PTPRD: variants seen among roughly 807,000 people sequenced by gnomAD.
PTPRD encodes the protein protein tyrosine phosphatase receptor type D, also known as receptor-type tyrosine-protein phosphatase delta.
Under a neutral mutation model 214.5 loss-of-function variants are expected in PTPRD, and 34 were observed. That is an observed-to-expected ratio of 0.16 (90% CI 0.12 to 0.21). The LOEUF (loss-of-function observed/expected upper bound fraction) is 0.21, where lower values mean the gene tolerates loss of function less well. Ranked by LOEUF, PTPRD falls within the 10% of genes least tolerant of loss-of-function variation. The pLI, the probability that PTPRD is intolerant of heterozygous loss-of-function variation, is 1.00. For missense variants in PTPRD, 2,545 were observed against 2,398.7 expected (o/e 1.06, Z -1.27); for synonymous variants, 1,128 against 845.7 (o/e 1.33, Z -5.79).
chr9:9,819,919 A>G (rs1030652467), intron 5 of PTPRD, among the ~76,000 whole-genome samples: 5 of 152,068 alleles, frequency 3.3e-5, no homozygotes, highest in Admixed American at 2.0e-4. Flanking sequence ...GATTGATTCC[A>G]TATCTTTGCT....
chr9:9,622,298 A>T (rs2095270900), intron 7 of PTPRD, among the ~76,000 whole-genome samples: 1 of 152,216 alleles, frequency 6.6e-6, no homozygotes, highest in Non-Finnish European at 1.5e-5. Context: ...TCTCACAGGA[A>T]GACACATATA....
At chr9:9,079,896 T>C (rs2154419670) in intron 10 of PTPRD, among the ~76,000 whole-genome samples, 1 of 152,188 alleles carries the variant, frequency 6.6e-6, no homozygotes, top group East Asian at 1.9e-4. Flanking sequence ...GGTGATGATG[T>C]GTTGCTGGAA....
At chr9:10,218,661 C>G (rs1056961343) in intron 3 of PTPRD, among the ~76,000 whole-genome samples, 1 of 151,578 alleles carries the variant, frequency 6.6e-6, no homozygotes, top group Non-Finnish European at 1.5e-5. Flanking sequence ...AATCCATTTA[C>G]AAAATAATTG....
chr9:10,125,625 TG>T (rs2098812905), intron 3 of PTPRD, among the ~76,000 whole-genome samples: 1 of 86,302 alleles, frequency 1.2e-5, no homozygotes, highest in Non-Finnish European at 2.4e-5. Flanking sequence ...CGGCTAATTG[TG>T]TGTGTGTGTG....
At chr9:9,463,477 G>A (rs973347303) in intron 8 of PTPRD, among the ~76,000 whole-genome samples, 11 of 152,076 alleles carry the variant, frequency 7.2e-5, no homozygotes, top group African/African-American at 2.7e-4. Context: ...TGAGCAAGCT[G>A]GAGGTGGAGG....
intron 9 of PTPRD, among the ~76,000 whole-genome samples, chr9:9,344,222 C>A (rs1289402064): frequency 6.6e-6 from 1 of 152,042 alleles, no homozygotes; most frequent in Admixed American, 6.6e-5. Flanking sequence ...CAAACTAACA[C>A]AAGAACAGAA....
intron 3 of PTPRD, among the ~76,000 whole-genome samples, chr9:10,212,723 C>T (rs571182531): frequency 6.6e-6 from 1 of 152,234 alleles, no homozygotes; most frequent in South Asian, 2.1e-4. Context: ...AAAAATTTTA[C>T]AATCTTGTTA....
intron 10 of PTPRD, among the ~76,000 whole-genome samples, chr9:9,029,425 T>A (rs2099597563): frequency 6.6e-6 from 1 of 151,882 alleles, no homozygotes; most frequent in Admixed American, 6.6e-5. Context: ...TGACAAGGGC[T>A]AGATAAAGCA....
At chr9:9,068,035 A>G (rs941459909) in intron 10 of PTPRD, among the ~76,000 whole-genome samples, 1 of 152,166 alleles carries the variant, frequency 6.6e-6, no homozygotes, top group African/African-American at 2.4e-5. Flanking sequence ...TCTGTTCTCC[A>G]CATCTATAAT....
intron 14 of PTPRD, among the ~76,000 whole-genome samples, chr9:8,605,876 C>T (rs1005072901): frequency 2.6e-5 from 4 of 152,116 alleles, no homozygotes; most frequent in Non-Finnish European, 5.9e-5. Flanking sequence ...CTCTCTGATA[C>T]GATTTGTAGC....
chr9:10,183,217 G>T (rs895260740), intron 3 of PTPRD, among the ~76,000 whole-genome samples: 2 of 152,074 alleles, frequency 1.3e-5, no homozygotes, highest in Admixed American at 6.6e-5. Flanking sequence ...TCCATGAATG[G>T]AGAGGAGATA....
chr9:8,889,563 C>T (rs1248303950), intron 11 of PTPRD, among the ~76,000 whole-genome samples: 1 of 152,142 alleles, frequency 6.6e-6, no homozygotes, highest in East Asian at 1.9e-4. Flanking sequence ...GAACTCATCA[C>T]CTGAGCAGTG....
At chr9:8,819,526 T>A (rs1196718673) in intron 11 of PTPRD, among the ~76,000 whole-genome samples, 1 of 151,756 alleles carries the variant, frequency 6.6e-6, no homozygotes, top group Non-Finnish European at 1.5e-5. Context: ...CCAGGCGAGG[T>A]GGCACATGCC....
At chr9:9,261,905 T>G (rs973437580) in intron 9 of PTPRD, among the ~76,000 whole-genome samples, 1 of 151,680 alleles carries the variant, frequency 6.6e-6, no homozygotes, top group Non-Finnish European at 1.5e-5. Context: ...ATTTCTATTA[T>G]TTTCCCAGGA....
chr9:10,512,119 T>A (rs1482187813), intron 2 of PTPRD, among the ~76,000 whole-genome samples: 2 of 148,804 alleles, frequency 1.3e-5, no homozygotes, highest in African/African-American at 5.0e-5. Context: ...ATTCAAGAGG[T>A]TGCCAGATCA....
intron 33 of PTPRD, 77 bp from the exon 34 acceptor site, chr9:8,449,914 G>A (rs2095869835): frequency 1.5e-5 from 21 of 1,382,906 alleles, no homozygotes; most frequent in Non-Finnish European, 2.1e-5. Flanking sequence ...AATTGCACCT[G>A]CACTCCCCCC....
chr9:9,556,572 C>A (rs763638201), intron 8 of PTPRD, among the ~76,000 whole-genome samples: 3 of 152,146 alleles, frequency 2.0e-5, no homozygotes, highest in Admixed American at 6.5e-5. Flanking sequence ...TTGCCTGGTG[C>A]CTTCCCACAT....
intron 14 of PTPRD, among the ~76,000 whole-genome samples, chr9:8,582,418 A>C (rs1209233068): frequency 1.3e-5 from 2 of 152,222 alleles, no homozygotes; most frequent in African/African-American, 4.8e-5. Flanking sequence ...ACTACACTAA[A>C]ATTAGGCTTT....
At chr9:9,499,321 A>G (rs1589957360) in intron 8 of PTPRD, among the ~76,000 whole-genome samples, 2 of 152,228 alleles carry the variant, frequency 1.3e-5, no homozygotes, top group East Asian at 3.9e-4. Flanking sequence ...ATGGCAGGGA[A>G]AGATCATGAA....
Sources: allele counts gnomAD v4.1 joint callset (sites outside exome capture counted in the v4.1 genomes callset), GRCh38; gene constraint gnomAD v4.1.1; transcripts MANE v1.5; gene names NCBI Gene and HGNC (gene_info 2026-07-23, HGNC 2026-07-21).